The following NCOR1 variants were observed in gnomAD, a reference collection of about 807,000 sequenced individuals.
The protein encoded by NCOR1 is nuclear receptor corepressor 1.
Under a neutral mutation model 288.1 loss-of-function variants are expected in NCOR1, and 63 were observed. That is an observed-to-expected ratio of 0.22 (90% CI 0.18 to 0.27). The LOEUF is 0.27. Among genes scored for constraint, NCOR1 ranks in the 10% least tolerant of loss-of-function variants. NCOR1 has a pLI of 1.00. For missense variants in NCOR1, 2,397 were observed against 3,019.2 expected (o/e 0.79, Z 4.83); for synonymous variants, 1,007 against 1,065.9 (o/e 0.94, Z 1.08).
At chr17:16,091,636 T>C in intron 22 of NCOR1, 1 of 1,366,580 alleles carries the variant, frequency 7.3e-7, no homozygotes. Flanking sequence ...ATCAGAAAAT[T>C]CACATTAACT....
At chr17:16,063,863 T>A (rs1237390898) in intron 35 of NCOR1, among the ~76,000 whole-genome samples, 2 of 152,230 alleles carry the variant, frequency 1.3e-5, no homozygotes, top group Non-Finnish European at 2.9e-5. Flanking sequence ...GATACCTTCA[T>A]CATGAAAACA....
chr17:16,089,165 A>AAT lies in NCOR1; in HGVS notation c.3016+2697_3016+2698insAT, dbSNP rs1271500708. On this transcript the variant is annotated intron_variant, in intron 22 of 45. Transcript: ENST00000268712. Reference sequence around the variant, plus strand: ...AAATGATGGAAATTGGATGGTTCTAAACACAGCTATCTACATCACCATGTA... The same window carrying AAT: ...AAATGATGGAAATTGGATGGTTCTAAATACACAGCTATCTACATCACCATGTA... Among the ~76,000 whole-genome samples, 13 of 151,920 alleles carry AAT rather than the reference A, an allele frequency of 8.6e-5. No individual in the cohort carries two copies. The East Asian group carries it at 2.5e-3, about 29-fold the overall frequency.
rs200783067 is a variant in NCOR1, at chr17:16,050,225, A to AT, written c.6393-1238dup. On this transcript the variant is annotated intron_variant, in intron 40 of 45. Coordinates refer to ENST00000268712, the MANE Select transcript of NCOR1 (RefSeq NM_006311.4). ...AGCACCTCGCCCCACCACACCCTCAATTTTTTTTTTTTTTTAAGACAGAGT... is the reference window on the plus strand; with the variant it reads ...AGCACCTCGCCCCACCACACCCTCAATTTTTTTTTTTTTTTTAAGACAGAGT... Among the ~76,000 whole-genome samples the AT allele has an allele frequency of 6.6e-3, 918 of 139,904 alleles. 8 individuals carry two copies. Among genetic ancestry groups the AT allele is most frequent in the East Asian group, 0.018 (86 of 4,810 alleles). The allele number at this position is 139,904 out of a possible 152,430, so 91.8% of individuals were successfully genotyped here. A position where few individuals can be genotyped will look rare whatever the true frequency, so the allele number is the denominator to read the frequency against.
intron 15 of NCOR1, among the ~76,000 whole-genome samples, chr17:16,122,947 GA>G (rs2073291411): frequency 6.6e-6 from 1 of 152,082 alleles, no homozygotes; most frequent in Non-Finnish European, 1.5e-5. Flanking sequence ...TTCATACGGG[GA>G]TTTCCCAAGG....
intron 20 of NCOR1, among the ~76,000 whole-genome samples, chr17:16,099,157 C>T (rs779815708): frequency 2.0e-5 from 3 of 152,210 alleles, no homozygotes; most frequent in African/African-American, 7.2e-5. Flanking sequence ...GCCGCCACCC[C>T]GCTCACATGA....
intron 14 of NCOR1, among the ~76,000 whole-genome samples, chr17:16,131,348 T>C (rs149036606): frequency 2.2e-4 from 34 of 152,234 alleles, no homozygotes; most frequent in African/African-American, 7.9e-4. Flanking sequence ...TTCAACATAA[T>C]TTAAGAACAG....
At chr17:16,080,839 A>C in intron 23 of NCOR1, 112 bp from the exon 24 acceptor site, 1 of 995,476 alleles carries the variant, frequency 1.0e-6, no homozygotes. Context: ...AAAAAATTAT[A>C]CCCCTTCTAC....
In NCOR1 at chr17:16,104,558, G is replaced by C. The variant is rs74618037; in HGVS notation, c.2183-2801C>G. On this transcript the variant is annotated intron_variant, in intron 19 of 45. Transcript: ENST00000268712. ...AGTTAAGGCAGGAAGAATGCCTGAGGCCAGGAGTTCAAGACCAGCTTGGGC... is the reference window on the plus strand; with the variant it reads ...AGTTAAGGCAGGAAGAATGCCTGAGCCCAGGAGTTCAAGACCAGCTTGGGC... Among the ~76,000 whole-genome samples, 724 of 152,300 alleles carry C rather than the reference G, an allele frequency of 4.8e-3. 27 individuals are homozygous for C. Among genetic ancestry groups the C allele is most frequent in the Admixed American group, 0.039 (593 of 15,290 alleles).
chr17:16,039,760 G>A (rs2057192755), intron 43 of NCOR1, 106 bp from the exon 44 acceptor site: 1 of 996,980 alleles, frequency 1.0e-6, no homozygotes, highest in African/African-American at 1.6e-5. Context: ...CTTGGCAAGT[G>A]ACCTAGAACA....
intron 26 of NCOR1, among the ~76,000 whole-genome samples, chr17:16,077,190 G>T (rs776013669): frequency 2.1e-4 from 32 of 151,846 alleles, no homozygotes; most frequent in Non-Finnish European, 3.1e-4. Flanking sequence ...TGAAGCCAGG[G>T]GTTCAAGACC....
chr17:16,197,497 C>G (rs775542318), intron 1 of NCOR1, among the ~76,000 whole-genome samples: 4 of 152,130 alleles, frequency 2.6e-5, no homozygotes, highest in Non-Finnish European at 4.4e-5. Flanking sequence ...TGCTCCCTTC[C>G]TGAGGCATGG....
At chr17:16,040,871 C>A in intron 42 of NCOR1, 1 of 188,718 alleles carries the variant, frequency 5.3e-6, no homozygotes, top group Non-Finnish European at 1.1e-5. Context: ...CATCTGTTTA[C>A]CAAAAATAAA....
intron 14 of NCOR1, among the ~76,000 whole-genome samples, chr17:16,132,887 C>A (rs1246079491): frequency 2.7e-5 from 4 of 148,332 alleles, no homozygotes; most frequent in Admixed American, 1.4e-4. Context: ...TTCCTTCCTT[C>A]CTTTCCCTCC....
chr17:16,127,606 C>CATATATGTAT (rs536987809), intron 14 of NCOR1, among the ~76,000 whole-genome samples: 1 of 119,936 alleles, frequency 8.3e-6, no homozygotes, highest in African/African-American at 3.3e-5. Context: ...TGTATACATA[C>CATATATGTAT]ATATGTGTAT....
At chr17:16,127,560 T>G (rs2074739198) in intron 14 of NCOR1, among the ~76,000 whole-genome samples, 1 of 141,754 alleles carries the variant, frequency 7.1e-6, no homozygotes. Context: ...CACATGTGTA[T>G]ATATGTATGT....
chr17:16,191,266 G>A (rs1305204713), intron 2 of NCOR1, among the ~76,000 whole-genome samples: 7 of 152,184 alleles, frequency 4.6e-5, no homozygotes, highest in Non-Finnish European at 7.4e-5. Flanking sequence ...CTGAATACAC[G>A]GGACATTCAA....
intron 5 of NCOR1, among the ~76,000 whole-genome samples, chr17:16,162,857 G>A (rs2081146215): frequency 6.6e-6 from 1 of 151,902 alleles, no homozygotes. Flanking sequence ...CAAATATGTG[G>A]GTAAACATAA....
chr17:16,185,008 CAAAAAA>C lies in NCOR1; in HGVS notation c.242+1540_242+1545del, dbSNP rs34725978. Reference sequence around the variant, plus strand: ...TTTCGCTTATATGTGGAATCTTAAACAAAAAAAAAAAAAAAAAAAAGGAACTATACA... The same window carrying C: ...TTTCGCTTATATGTGGAATCTTAAACAAAAAAAAAAAAAAGGAACTATACA... On this transcript the variant is annotated intron_variant, in intron 3 of 45. Transcript: ENST00000268712. Among the ~76,000 whole-genome samples, 46 of 97,354 alleles carry C rather than the reference CAAAAAA, an allele frequency of 4.7e-4. 1 individual carries two copies. The highest frequency in any genetic ancestry group is 4.3e-3 in the Admixed American group (36 of 8,352). 63.9% of individuals were successfully genotyped at this position (97,354 alleles called of 152,430 possible). A position where few individuals can be genotyped will look rare whatever the true frequency, so the allele number is the denominator to read the frequency against.
At position 16,082,594 on chromosome 17, in the gene NCOR1, T is replaced by C. The variant is rs191090816; in HGVS notation, c.3178-1867A>G. Among the ~76,000 whole-genome samples the C allele has an allele frequency of 8.4e-4, 127 of 152,054 alleles. 1 individual carries two copies. Among genetic ancestry groups the C allele is most frequent in the Non-Finnish European group, 1.3e-3 (87 of 67,992 alleles). ...ATTAAAAGCCAGGCATAGTGATGCA[T>C]GCCTGTAGTTCCAGCTACTCAGGAT... On this transcript the variant is annotated intron_variant, in intron 23 of 45. Transcript: ENST00000268712.
Sources: gnomAD v4.1 joint callset for allele counts (sites outside exome capture counted in the v4.1 genomes callset) on GRCh38, gnomAD v4.1.1 for gene constraint, MANE v1.5 for transcripts, NCBI Gene and HGNC (gene_info 2026-07-23, HGNC 2026-07-21) for gene names.